MEGF6: variants seen among roughly 807,000 people sequenced by gnomAD.
MEGF6 encodes multiple EGF like domains 6.
MEGF6 carries 184 observed loss-of-function variants against 207.1 expected under a neutral mutation model. The observed-to-expected ratio is 0.89, with a 90% CI of 0.79 to 1.00. MEGF6 has a LOEUF of 1.00. MEGF6 is among the 50% of genes least tolerant of loss of function. MEGF6 has a pLI of 0.00. For synonymous variants in MEGF6, 1,038 were observed against 910.0 expected (o/e 1.14, Z -2.53); for missense variants, 2,282 against 2,202.9 (o/e 1.04, Z -0.72).
At chr1:3,559,507 C>T (rs561907851) in intron 4 of MEGF6, among the ~76,000 whole-genome samples, 9 of 129,376 alleles carry the variant, frequency 7.0e-5, no homozygotes, top group African/African-American at 2.0e-4. Context: ...GGACAAAGAG[C>T]TAGACCTTGT....
intron 3 of MEGF6, among the ~76,000 whole-genome samples, chr1:3,584,713 C>T (rs1643869506): frequency 6.6e-6 from 1 of 152,260 alleles, no homozygotes; most frequent in South Asian, 2.1e-4. Flanking sequence ...ATCAGGGACT[C>T]CTGCCCCTTC....
At chr1:3,505,771 C>T (rs1483079878) in intron 15 of MEGF6, among the ~76,000 whole-genome samples, 1 of 152,214 alleles carries the variant, frequency 6.6e-6, no homozygotes, top group Admixed American at 6.5e-5. Flanking sequence ...GCCTTGCTGC[C>T]AGGAATCTCC....
In MEGF6 at chr1:3,573,849, G is replaced by A. The variant is rs968658226; in HGVS notation, c.481+5976C>T. ...TCAGACACAGTGGGCAGCATTGAAA[G>A]GCAGTGGGGAGGGCCGCTTCCTCTC... On this transcript the variant is annotated intron_variant, in intron 4 of 36. Transcript: ENST00000356575. This position sits in a 1 kb window ranked among gnomAD's most constrained non-coding sequence, Gnocchi z 5.1. Among the ~76,000 whole-genome samples, 3 of 152,180 alleles carry A rather than the reference G, an allele frequency of 2.0e-5. No individual in the cohort carries two copies. The highest frequency in any genetic ancestry group is 2.9e-5 in the Non-Finnish European group (2 of 68,014).
chr1:3,617,715 GA>G, the MEGF6 span, among the ~76,000 whole-genome samples: 1 of 152,262 alleles, frequency 6.6e-6, no homozygotes, highest in Non-Finnish European at 1.5e-5. Context: ...ATCTCCGGAT[GA>G]GAGCATCCTG....
intron 4 of MEGF6, among the ~76,000 whole-genome samples, chr1:3,566,936 C>G (rs10909971): frequency 6.6e-6 from 1 of 152,216 alleles, no homozygotes; most frequent in Non-Finnish European, 1.5e-5. Context: ...ACTCTCACCA[C>G]GGCCCCTACG....
intron 25 of MEGF6, 89 bp from the exon 26 acceptor site, chr1:3,498,588 A>G: frequency 6.7e-7 from 1 of 1,485,852 alleles, no homozygotes; most frequent in Non-Finnish European, 9.0e-7. Flanking sequence ...GCAGAGCTGA[A>G]GCCTACACCC....
At chr1:3,544,780 G>T (rs1198347304) in intron 4 of MEGF6, among the ~76,000 whole-genome samples, 13 of 152,288 alleles carry the variant, frequency 8.5e-5, no homozygotes, top group Non-Finnish European at 1.6e-4. Flanking sequence ...ACCATCGAGT[G>T]GGGTTTCAGA....
intron 4 of MEGF6, among the ~76,000 whole-genome samples, chr1:3,551,027 A>C (rs1570118937): frequency 6.6e-6 from 1 of 152,324 alleles, no homozygotes; most frequent in Admixed American, 6.5e-5. Context: ...CAGGTGAGGA[A>C]GAAGATGTGG....
rs1266488440 is a variant in MEGF6 at position 3,501,805 on chromosome 1, A to G, written c.2305T>C (p.Cys769Arg). ...TGCGGCTGACACTCACCTGCCTCAC[A>G]GTCTTCCCCAGTCCTCCCCGGCGGA... ...RCPPGRTGEDCEADCPEGRWG... is the reference protein window; with the variant it reads ...RCPPGRTGEDREADCPEGRWG... The change falls in exon 18 of 37, where the codon TGT (cysteine) becomes CGT (arginine). Residue 769 changes from cysteine to arginine, a missense_variant. Cys to Arg is a radical substitution (Grantham distance 180, BLOSUM62 -3). Transcript: ENST00000356575. 1.2e-6 allele frequency: 2 copies of G among 1,609,652 alleles called. No individual in the cohort carries two copies. Among genetic ancestry groups the G allele is most frequent in the Non-Finnish European group, 1.7e-6 (2 of 1,178,678 alleles).
chr1:3,514,764 C>T, intron 6 of MEGF6, 92 bp from the exon 7 acceptor site: 2 of 1,348,656 alleles, frequency 1.5e-6, no homozygotes, highest in Non-Finnish European at 2.0e-6. Context: ...GACCCCTCAC[C>T]CAGTGCTCTC....
chr1:3,617,820 T>G, the MEGF6 span, among the ~76,000 whole-genome samples: 1 of 152,154 alleles, frequency 6.6e-6, no homozygotes, highest in Non-Finnish European at 1.5e-5. Flanking sequence ...GAGCGCAGCG[T>G]GGAGACCGAG....
intron 3 of MEGF6, among the ~76,000 whole-genome samples, chr1:3,585,013 C>T (rs544858512): frequency 6.6e-6 from 1 of 152,384 alleles, no homozygotes; most frequent in South Asian, 2.1e-4. Flanking sequence ...TGAATGGGAG[C>T]AGGTGTAGGT....
chr1:3,535,728 G>A (rs1019454149), intron 4 of MEGF6, among the ~76,000 whole-genome samples: 6 of 152,222 alleles, frequency 3.9e-5, no homozygotes, highest in South Asian at 4.1e-4. Context: ...CTGGGGTTTC[G>A]CTAAGCCAGT....
intron 18 of MEGF6, 32 bp from the exon 19 acceptor site, chr1:3,501,340 C>T: frequency 6.4e-7 from 1 of 1,573,608 alleles, no homozygotes; most frequent in Non-Finnish European, 8.6e-7. Flanking sequence ...AGTCAGTGCC[C>T]AAGCTGCCCT....
chr1:3,512,190 AG>A (rs1456121790), intron 7 of MEGF6, 62 bp from the exon 8 acceptor site: 4 of 1,533,048 alleles, frequency 2.6e-6, no homozygotes, highest in Non-Finnish European at 3.5e-6. Flanking sequence ...GCATGGGACC[AG>A]TGGAAGACAG....
At position 3,509,258 on chromosome 1, in the gene MEGF6, C is replaced by A; in HGVS notation, c.1358-13G>T. 1 of 1,460,510 alleles carries A rather than the reference C, an allele frequency of 6.8e-7. No homozygotes were observed. Among genetic ancestry groups the A allele is most frequent in the Non-Finnish European group, 9.1e-7 (1 of 1,103,850 alleles). The allele number at this position is 1,460,510 out of a possible 1,614,324, so 90.5% of individuals were successfully genotyped here. A position where few individuals can be genotyped will look rare whatever the true frequency, so the allele number is the denominator to read the frequency against. ...GGCTCCTCCAGGGCTGCCAGGGGCA[C>A]AGAGGCGCCTTAGCCCCTGCCACCC... On this transcript the variant is annotated splice_polypyrimidine_tract_variant and intron_variant, in intron 11 of 36. Coordinates refer to ENST00000356575, the MANE Select transcript of MEGF6 (RefSeq NM_001409.4).
chr1:3,534,490 T>A (rs983002165), intron 4 of MEGF6, among the ~76,000 whole-genome samples: 1 of 152,150 alleles, frequency 6.6e-6, no homozygotes, highest in Non-Finnish European at 1.5e-5. Flanking sequence ...GTGGAAACAC[T>A]CTGTGCCTCA....
intron 4 of MEGF6, among the ~76,000 whole-genome samples, chr1:3,544,122 G>T (rs1478499467): frequency 5.9e-5 from 9 of 151,934 alleles, no homozygotes; most frequent in Non-Finnish European, 1.3e-4. Flanking sequence ...ACCTGCCAGG[G>T]ACCCCATTAC....
chr1:3,581,804 C>T (rs1643803376), intron 3 of MEGF6, among the ~76,000 whole-genome samples: 1 of 152,126 alleles, frequency 6.6e-6, no homozygotes, highest in African/African-American at 2.4e-5. Context: ...AGCAGCCACT[C>T]ACTGCCTCCC....
Sources: gnomAD v4.1 joint callset for allele counts (sites outside exome capture counted in the v4.1 genomes callset) on GRCh38, gnomAD v4.1.1 for gene constraint, Gnocchi (gnomAD v3.1) non-coding constraint, MANE v1.5 for transcripts, NCBI Gene and HGNC (gene_info 2026-07-23, HGNC 2026-07-21) for gene names.